Variants in IRAK3 observed in about 807,000 individuals in gnomAD.
IRAK3 encodes the protein interleukin 1 receptor associated kinase 3.
Under a neutral mutation model 56.6 loss-of-function variants are expected in IRAK3, and 57 were observed. That is an observed-to-expected ratio of 1.01 (90% CI 0.81 to 1.26). The LOEUF (loss-of-function observed/expected upper bound fraction) is 1.26, where lower values mean the gene tolerates loss of function less well. Among genes scored for constraint, IRAK3 ranks in the 50% most tolerant of loss-of-function variants. The pLI, the probability that IRAK3 is intolerant of heterozygous loss-of-function variation, is 0.00. For missense variants in IRAK3, 703 were observed against 719.0 expected, an observed-to-expected ratio of 0.98 and a Z score of 0.25; for synonymous variants, 258 against 255.7, an observed-to-expected ratio of 1.01 and a Z score of -0.09.
intron 8 of IRAK3, chr12:66,235,090 T>A: frequency 1.2e-6 from 2 of 1,613,482 alleles, no homozygotes; most frequent in Non-Finnish European, 1.7e-6. Context: ...GGGGAGGCAG[T>A]CCTCGGATAT....
At chr12:66,210,075 G>C in intron 3 of IRAK3, 72 bp from the exon 4 acceptor site, 1 of 989,564 alleles carries the variant, frequency 1.0e-6, no homozygotes, top group Non-Finnish European at 1.6e-6. Context: ...GGGAGCTTTG[G>C]ATTTGTGTTG....
At chr12:66,243,568 G>T (rs1400114891) in intron 8 of IRAK3, among the ~76,000 whole-genome samples, 1 of 151,780 alleles carries the variant, frequency 6.6e-6, no homozygotes, top group Non-Finnish European at 1.5e-5. Context: ...TCTTAGAATT[G>T]ATTACTAATC....
intron 1 of IRAK3, chr12:66,197,782 C>G (rs2052469020): frequency 2.0e-6 from 2 of 985,288 alleles, no homozygotes; most frequent in South Asian, 9.4e-5. Flanking sequence ...TCTGTTCATT[C>G]ATATTCCAGC....
chr12:66,234,292 T>C, intron 8 of IRAK3: 1 of 1,612,878 alleles, frequency 6.2e-7, no homozygotes, highest in South Asian at 1.1e-5. Context: ...TGATCATTGA[T>C]GCGGGCTGTA....
chr12:66,253,727 C>T lies in IRAK3; in HGVS notation c.*5556C>T, dbSNP rs915023222. Reference sequence around the variant, plus strand: ...TGGCTTACTTGCGGAAATGCAGGCTCATTGTTGTGTCTAGTAGGTGCTAGG... The same window carrying T: ...TGGCTTACTTGCGGAAATGCAGGCTTATTGTTGTGTCTAGTAGGTGCTAGG... On this transcript the variant is annotated 3_prime_UTR_variant, in exon 12 of 12. Transcript: ENST00000261233. 2 of 152,238 alleles carry T rather than the reference C, an allele frequency of 1.3e-5. No homozygotes were observed. The highest frequency in any genetic ancestry group is 2.1e-4 in the South Asian group (1 of 4,818). The allele number at this position is 152,238 out of a possible 1,614,324, so 9.4% of individuals were successfully genotyped here.
At chr12:66,197,927 A>G in intron 1 of IRAK3, 6 of 985,412 alleles carry the variant, frequency 6.1e-6, no homozygotes, top group Non-Finnish European at 7.2e-6. Context: ...AAAAAAACAA[A>G]CAGAGAATGG....
At chr12:66,247,007 C>T (rs151029017) in intron 11 of IRAK3, among the ~76,000 whole-genome samples, 37 of 152,214 alleles carry the variant, frequency 2.4e-4, no homozygotes, top group African/African-American at 7.7e-4. Flanking sequence ...CCCTGGCTCA[C>T]GACTGTAATC....
chr12:66,192,994 T>C (rs1347638484), intron 1 of IRAK3, among the ~76,000 whole-genome samples: 1 of 152,144 alleles, frequency 6.6e-6, no homozygotes, highest in Non-Finnish European at 1.5e-5. Context: ...TAAATAGATG[T>C]GTTTTTTTAT....
At chr12:66,243,393 T>C (rs2052992647) in intron 8 of IRAK3, among the ~76,000 whole-genome samples, 1 of 152,230 alleles carries the variant, frequency 6.6e-6, no homozygotes, top group African/African-American at 2.4e-5. Context: ...AGTAACAGCA[T>C]GTCGTACTAC....
chr12:66,221,557 G>A (rs2052733871), intron 6 of IRAK3, among the ~76,000 whole-genome samples: 1 of 152,190 alleles, frequency 6.6e-6, no homozygotes, highest in African/African-American at 2.4e-5. Context: ...TTTGTTGAGA[G>A]TTTTTATCAT....
At chr12:66,210,244 A>C in intron 4 of IRAK3, 43 bp downstream of exon 4, 1 of 1,176,324 alleles carries the variant, frequency 8.5e-7, no homozygotes, top group Non-Finnish European at 1.3e-6. Flanking sequence ...TTTTAAAATC[A>C]TACTTTCATT....
chr12:66,220,691 T>G (rs1413390931), intron 6 of IRAK3, among the ~76,000 whole-genome samples: 2 of 151,518 alleles, frequency 1.3e-5, no homozygotes, highest in Non-Finnish European at 2.9e-5. Context: ...CGGCTAATTT[T>G]TTGTATTTTT....
chr12:66,223,532 GC>G (rs1224057219), intron 6 of IRAK3, among the ~76,000 whole-genome samples: 3 of 150,840 alleles, frequency 2.0e-5, no homozygotes, highest in South Asian at 4.2e-4. Flanking sequence ...GGTGACGGGC[GC>G]CTGTAGTCCC....
intron 2 of IRAK3, among the ~76,000 whole-genome samples, 195 bp downstream of exon 2, chr12:66,204,088 T>C (rs1272393867): frequency 2.6e-5 from 4 of 152,236 alleles, no homozygotes; most frequent in African/African-American, 7.2e-5. Context: ...ACCTAACTTA[T>C]ACAACATATT....
chr12:66,232,069 A>G (rs561149008), intron 8 of IRAK3, among the ~76,000 whole-genome samples: 2 of 152,374 alleles, frequency 1.3e-5, no homozygotes, highest in Admixed American at 1.3e-4. Flanking sequence ...CCAACAGGTA[A>G]CAAAGATACA....
chr12:66,242,637 C>T (rs2052982595), intron 8 of IRAK3, among the ~76,000 whole-genome samples: 1 of 152,218 alleles, frequency 6.6e-6, no homozygotes, highest in Non-Finnish European at 1.5e-5. Context: ...GCCTCTCTGA[C>T]CTTCCTTCCA....
In IRAK3 at chr12:66,189,356, C is replaced by T. The variant is rs2052375509; in HGVS notation, c.57C>T (p.Asp19=). 1 of 1,531,362 alleles carries T rather than the reference C, an allele frequency of 6.5e-7. No homozygotes were observed. Among genetic ancestry groups the T allele is most frequent in the Non-Finnish European group, 8.7e-7 (1 of 1,145,178 alleles). The allele number at this position is 1,531,362 out of a possible 1,614,324, so 94.9% of individuals were successfully genotyped here. A position where few individuals can be genotyped will look rare whatever the true frequency, so the allele number is the denominator to read the frequency against. ...TGTCGGCGCACACGCTGCTGTTCGA[C>T]CTGCCGCCCGCGCTGCTCGGAGAGC... ...GALSAHTLLF[D]LPPALLGELC... The change falls in exon 1 of 12, where the codon GAC becomes GAT. Residue 19 remains aspartate (D), a synonymous_variant. Coordinates refer to ENST00000261233, the MANE Select transcript of IRAK3 (RefSeq NM_007199.3).
At chr12:66,217,490 A>G (rs1324585469) in intron 6 of IRAK3, among the ~76,000 whole-genome samples, 1 of 152,228 alleles carries the variant, frequency 6.6e-6, no homozygotes, top group African/African-American at 2.4e-5. Flanking sequence ...TGTGTGACTA[A>G]CATGGCTGAA....
chr12:66,222,686 CTTT>C (rs961619189), intron 6 of IRAK3, among the ~76,000 whole-genome samples: 1 of 151,898 alleles, frequency 6.6e-6, no homozygotes, highest in East Asian at 1.9e-4. Context: ...TAAAATTAGG[CTTT>C]TTTTAGTGGT....
Sources: allele counts gnomAD v4.1 joint callset (sites outside exome capture counted in the v4.1 genomes callset), GRCh38; gene constraint gnomAD v4.1.1; transcripts MANE v1.5; gene names NCBI Gene and HGNC (gene_info 2026-07-23, HGNC 2026-07-21).